The following RIN2 variants were observed in gnomAD, a reference collection of about 807,000 sequenced individuals.
RIN2 encodes Ras and Rab interactor 2, also known as RAB5 interacting protein 2.
RIN2 carries 36 observed loss-of-function variants against 78.0 expected under a neutral mutation model. The ratio of observed to expected loss-of-function variants is 0.46; its 90% CI spans 0.35 to 0.61. The LOEUF is 0.61. RIN2 is among the 20% of genes least tolerant of loss of function. RIN2 has a pLI of 0.00. For synonymous variants in RIN2, 466 were observed against 466.8 expected, an observed-to-expected ratio of 1.00 and a Z score of 0.02; for missense variants, 1,087 against 1,159.7, an observed-to-expected ratio of 0.94 and a Z score of 0.91.
In RIN2 at chr20:19,895,930, G is replaced by A. The variant is rs1242297130; in HGVS notation, c.57+6272G>A. The stretch of plus-strand genomic sequence containing the variant: ...TGGTCTCTTCTTGGCATTTGAAAAA[G>A]TATTCAATTTTCAAAAATTCTGTCT... On this transcript the variant is annotated intron_variant, in intron 3 of 12. Coordinates refer to ENST00000255006, the MANE Select transcript of RIN2 (RefSeq NM_018993.4). The A allele has an allele frequency of 3.3e-5, 5 of 152,258 alleles. No homozygotes were observed. In the East Asian group the frequency reaches 9.7e-4, roughly 29 times the overall value. The allele number at this position is 152,258 out of a possible 1,614,324, so 9.4% of individuals were successfully genotyped here.
chr20:19,923,994 A>G (rs1600816018), intron 3 of RIN2, among the ~76,000 whole-genome samples: 1 of 109,564 alleles, frequency 9.1e-6, no homozygotes, highest in Non-Finnish European at 1.9e-5. Context: ...TCATACCCCC[A>G]CCTTTATACC....
chr20:19,835,170 AGAAG>A (rs1284969083), intron 2 of RIN2, among the ~76,000 whole-genome samples: 1 of 148,992 alleles, frequency 6.7e-6, no homozygotes, highest in East Asian at 2.0e-4. Context: ...AATGAAGGGA[AGAAG>A]GAAGGGAGGG....
At chr20:19,987,328 A>G (rs557553526) in intron 9 of RIN2, among the ~76,000 whole-genome samples, 3 of 152,334 alleles carry the variant, frequency 2.0e-5, no homozygotes, top group South Asian at 4.1e-4. Context: ...TGGTGACCCT[A>G]TTTTAACCAA....
intron 4 of RIN2, among the ~76,000 whole-genome samples, chr20:19,947,979 G>T (rs1050638211): frequency 6.6e-6 from 1 of 152,242 alleles, no homozygotes; most frequent in African/African-American, 2.4e-5. Flanking sequence ...GGGGAACTGA[G>T]ATACAAGCCG....
chr20:19,844,694 CTT>C, intron 2 of RIN2, among the ~76,000 whole-genome samples: 1 of 9,264 alleles, frequency 1.1e-4, no homozygotes, highest in Middle Eastern at 0.038. Flanking sequence ...TCCTCTTCCT[CTT>C]CCTCTTCTTC....
At position 19,790,672 on chromosome 20, in the gene RIN2, C is replaced by T. The variant is rs114866855; in HGVS notation, c.-162-8950C>T. Among the ~76,000 whole-genome samples the T allele has an allele frequency of 4.2e-3, 646 of 152,268 alleles. 3 individuals are homozygous for T. Among genetic ancestry groups the T allele is most frequent in the African/African-American group, 0.015 (617 of 41,558 alleles). On this transcript the variant is annotated intron_variant, in intron 1 of 12. Coordinates refer to ENST00000255006, the MANE Select transcript of RIN2 (RefSeq NM_018993.4). ...TAGAATAATCATCCACTTACCCCAA[C>T]CAATTCCCCCTCCCAACTTCCTTAT...
chr20:19,881,513 C>T (rs1249394587), intron 2 of RIN2, among the ~76,000 whole-genome samples: 1 of 152,058 alleles, frequency 6.6e-6, no homozygotes, highest in African/African-American at 2.4e-5. Flanking sequence ...GGATGATGTT[C>T]CTCTCTTTTT....
intron 2 of RIN2, among the ~76,000 whole-genome samples, chr20:19,816,944 TTCAG>T (rs1274175597): frequency 1.3e-5 from 2 of 152,202 alleles, no homozygotes; most frequent in African/African-American, 2.4e-5. Context: ...TACTGTGTAT[TTCAG>T]TGATGAATAC....
In RIN2 at chr20:19,774,544, A is replaced by C. The variant is rs567810755; in HGVS notation, c.-163+16217A>C. Among the ~76,000 whole-genome samples, 3 of 152,356 alleles carry C rather than the reference A, an allele frequency of 2.0e-5. No individual in the cohort carries two copies. In the East Asian group the frequency reaches 5.8e-4, roughly 29 times the overall value. ...TTGTCCTCTGCCACTGTGGCATGTA[A>C]AGGAATTGAAAATGCCTTGAGAAAA... On this transcript the variant is annotated intron_variant, in intron 1 of 12. Coordinates refer to ENST00000255006, the MANE Select transcript of RIN2 (RefSeq NM_018993.4).
At chr20:19,909,262 C>G (rs1384130831) in intron 3 of RIN2, among the ~76,000 whole-genome samples, 1 of 152,166 alleles carries the variant, frequency 6.6e-6, no homozygotes, top group Non-Finnish European at 1.5e-5. Flanking sequence ...CAATCCCCCT[C>G]GTTGTCTCCT....
intron 2 of RIN2, among the ~76,000 whole-genome samples, chr20:19,836,644 C>T (rs2036427204): frequency 6.6e-6 from 1 of 151,800 alleles, no homozygotes; most frequent in South Asian, 2.1e-4. Flanking sequence ...TTCATTTCTC[C>T]TATTAGGGTT....
intron 2 of RIN2, among the ~76,000 whole-genome samples, chr20:19,811,439 C>T (rs2035596694): frequency 6.6e-6 from 1 of 152,130 alleles, no homozygotes; most frequent in Non-Finnish European, 1.5e-5. Context: ...ATGCGTGATT[C>T]AAGTATGCTC....
chr20:19,791,415 T>A (rs991056068), intron 1 of RIN2, among the ~76,000 whole-genome samples: 8 of 152,340 alleles, frequency 5.3e-5, no homozygotes, highest in South Asian at 2.1e-4. Context: ...AAGGCTTAGA[T>A]AATTTAAGGT....
chr20:19,954,818 C>G (rs183866023), intron 4 of RIN2, among the ~76,000 whole-genome samples: 102 of 152,214 alleles, frequency 6.7e-4, no homozygotes, highest in African/African-American at 2.4e-3. Context: ...TCTGCTGTTT[C>G]AAGGCTGTTA....
chr20:19,844,574 A>AGCTGCTGCTGCT (rs67145587), intron 2 of RIN2, among the ~76,000 whole-genome samples: 10 of 139,804 alleles, frequency 7.2e-5, no homozygotes, highest in African/African-American at 1.1e-4. Context: ...CCAACTAGAG[A>AGCTGCTGCTGCT]GCTGCTGCTG....
intron 4 of RIN2, among the ~76,000 whole-genome samples, chr20:19,936,202 C>G (rs1252977421): frequency 6.6e-6 from 1 of 152,190 alleles, no homozygotes; most frequent in African/African-American, 2.4e-5. Context: ...TCTGTGCCTT[C>G]CTTTCCTTTC....
At chr20:19,987,364 G>A (rs2042653604) in intron 9 of RIN2, among the ~76,000 whole-genome samples, 1 of 152,180 alleles carries the variant, frequency 6.6e-6, no homozygotes, top group South Asian at 2.1e-4. Flanking sequence ...AACCATGAAT[G>A]TAGCTTTCAG....
intron 2 of RIN2, among the ~76,000 whole-genome samples, chr20:19,836,468 T>C (rs925395050): frequency 6.6e-6 from 1 of 152,240 alleles, no homozygotes; most frequent in Non-Finnish European, 1.5e-5. Context: ...AAAATTGGAC[T>C]AATTAGATCT....
chr20:19,869,081 CA>C (rs11413677), intron 2 of RIN2, among the ~76,000 whole-genome samples: 19,967 of 75,414 alleles, frequency 0.26, 635 homozygotes, highest in East Asian at 0.31. Flanking sequence ...GACTCCGTCT[CA>C]AAAAAAAAAA....
Sources: allele counts gnomAD v4.1 joint callset (sites outside exome capture counted in the v4.1 genomes callset), GRCh38; gene constraint gnomAD v4.1.1; transcripts MANE v1.5; gene names NCBI Gene and HGNC (gene_info 2026-07-23, HGNC 2026-07-21).